DBT: variants seen among roughly 807,000 people sequenced by gnomAD.
The protein encoded by DBT is lipoamide acyltransferase component of branched-chain alpha-keto acid dehydrogenase complex, mitochondrial.
Under a neutral mutation model 51.3 loss-of-function variants are expected in DBT, and 40 were observed. The observed-to-expected ratio is 0.78, with a 90% CI of 0.61 to 1.02. The LOEUF (loss-of-function observed/expected upper bound fraction) is 1.02, where lower values mean the gene tolerates loss of function less well. DBT is among the 50% of genes least tolerant of loss of function. The pLI is 0.00. For missense variants in DBT, 510 were observed against 580.2 expected (o/e 0.88, Z 1.24); for synonymous variants, 181 against 190.4 (o/e 0.95, Z 0.41).
At chr1:100,248,590 G>T (rs1557964764) in intron 1 of DBT, among the ~76,000 whole-genome samples, 1 of 152,120 alleles carries the variant, frequency 6.6e-6, no homozygotes, top group Non-Finnish European at 1.5e-5. Context: ...GAGCCCTTTA[G>T]AAAAAGCAAT....
intron 10 of DBT, among the ~76,000 whole-genome samples, chr1:100,203,470 CCAAA>C (rs1327972043): frequency 2.0e-5 from 3 of 152,304 alleles, no homozygotes; most frequent in African/African-American, 7.2e-5. Flanking sequence ...AGCCTACCAA[CCAAA>C]CAAAGCCCAG....
At chr1:100,216,292 A>G (rs1662480532) in intron 5 of DBT, 93 bp from the exon 6 acceptor site, 1 of 838,706 alleles carries the variant, frequency 1.2e-6, no homozygotes, top group South Asian at 1.4e-5. Flanking sequence ...ACAGTAAAAT[A>G]TATCTGTCCA....
chr1:100,192,329 A>G lies in DBT; in HGVS notation c.*3926T>C, dbSNP rs1044608670. On this transcript the variant is annotated 3_prime_UTR_variant, in exon 11 of 11. Transcript: ENST00000370132. ...GTGAGGGCAAAAACTTCATCTATCT[A>G]ATTCACCTTTATCCATAATCTCTAC... is the stretch of plus-strand genomic sequence containing the variant. 2 of 152,204 alleles carry G rather than the reference A, an allele frequency of 1.3e-5. No individual in the cohort carries two copies. The highest frequency in any genetic ancestry group is 4.8e-5 in the African/African-American group (2 of 41,448). The allele number at this position is 152,204 out of a possible 1,614,324, so 9.4% of individuals were successfully genotyped here.
At chr1:100,221,997 A>C (rs1029119135) in intron 4 of DBT, among the ~76,000 whole-genome samples, 2 of 152,238 alleles carry the variant, frequency 1.3e-5, no homozygotes, top group African/African-American at 4.8e-5. Context: ...TCTTCATAGC[A>C]CAAAAATAAA....
At chr1:100,219,440 A>G (rs1662708354) in intron 4 of DBT, among the ~76,000 whole-genome samples, 2 of 152,180 alleles carry the variant, frequency 1.3e-5, no homozygotes, top group Admixed American at 1.3e-4. Context: ...AATGTAAGAT[A>G]AATTATATGA....
chr1:100,232,295 T>G (rs972636271), intron 3 of DBT, among the ~76,000 whole-genome samples: 18 of 9,202 alleles, frequency 2.0e-3, no homozygotes, highest in African/African-American at 2.5e-3. Context: ...GCATCTGGGT[T>G]GTTGTTGTTG....
At chr1:100,198,639 TG>T (rs1327587799) in intron 10 of DBT, among the ~76,000 whole-genome samples, 1 of 152,196 alleles carries the variant, frequency 6.6e-6, no homozygotes, top group Non-Finnish European at 1.5e-5. Flanking sequence ...AATCAAATGT[TG>T]AATTCTTGTT....
chr1:100,213,242 G>A (rs926512944), intron 7 of DBT: 8 of 1,166,448 alleles, frequency 6.9e-6, no homozygotes, highest in East Asian at 3.5e-5. Flanking sequence ...CGAGCCACCC[G>A]GGGCGTGCGC....
In DBT at chr1:100,191,050, C is replaced by T. The variant is rs1380600338; in HGVS notation, c.*5205G>A. 6.6e-6 allele frequency: 1 copy of T among 152,188 alleles called. No homozygotes were observed. The highest frequency in any genetic ancestry group is 2.4e-5 in the African/African-American group (1 of 41,446). The allele number at this position is 152,188 out of a possible 1,614,324, so 9.4% of individuals were successfully genotyped here. On this transcript the variant is annotated 3_prime_UTR_variant, in exon 11 of 11. Transcript: ENST00000370132. ...TGGTAAGCCATGGAGTTCTGTTAAT[C>T]TTCTGTTTGACCAAATAACTAGGAT...
rs1377625631 is a variant in DBT at position 100,189,989 on chromosome 1, A to G, written c.*6266T>C. On this transcript the variant is annotated 3_prime_UTR_variant, in exon 11 of 11. Transcript: ENST00000370132. ...ACTGAGCAATTGAAATGTGGCTAGT[A>G]TATCTGAGTTGAATTTTGATTAATT... is the stretch of plus-strand genomic sequence containing the variant. 6.6e-6 allele frequency: 1 copy of G among 152,208 alleles called. No individual in the cohort carries two copies. The highest frequency in any genetic ancestry group is 2.4e-5 in the African/African-American group (1 of 41,444). 9.4% of individuals were successfully genotyped at this position (152,208 alleles called of 1,614,324 possible). A position where few individuals can be genotyped will look rare whatever the true frequency, so the allele number is the denominator to read the frequency against.
chr1:100,241,773 C>G (rs1664231013), intron 1 of DBT, among the ~76,000 whole-genome samples: 1 of 152,180 alleles, frequency 6.6e-6, no homozygotes, highest in Non-Finnish European at 1.5e-5. Context: ...AATCCCAGCA[C>G]TTTGGGAGGC....
chr1:100,248,421 T>C (rs1570856218), intron 1 of DBT, among the ~76,000 whole-genome samples: 1 of 152,180 alleles, frequency 6.6e-6, no homozygotes, highest in Non-Finnish European at 1.5e-5. Context: ...CACGTACATA[T>C]GAAACTGGAG....
At chr1:100,206,663 G>A (rs1661811635) in intron 8 of DBT, 27 bp from the exon 9 acceptor site, 2 of 1,304,308 alleles carry the variant, frequency 1.5e-6, no homozygotes, top group Non-Finnish European at 2.2e-6. Flanking sequence ...TGTACAGTAG[G>A]GCTTTTAATG....
intron 4 of DBT, among the ~76,000 whole-genome samples, chr1:100,229,505 T>C (rs549997510): frequency 6.6e-6 from 1 of 152,306 alleles, no homozygotes; most frequent in East Asian, 1.9e-4. Flanking sequence ...CTTCATCTGC[T>C]AAACTGGAAT....
chr1:100,197,825 G>A (rs1661201141), intron 10 of DBT, among the ~76,000 whole-genome samples: 1 of 152,110 alleles, frequency 6.6e-6, no homozygotes, highest in South Asian at 2.1e-4. Context: ...AAGACTTAAT[G>A]ACTTAAACAA....
At chr1:100,223,205 C>A (rs1455640651) in intron 4 of DBT, among the ~76,000 whole-genome samples, 7 of 152,018 alleles carry the variant, frequency 4.6e-5, no homozygotes, top group African/African-American at 9.7e-5. Context: ...TTAATGATTT[C>A]TCTCAAAAAA....
intron 4 of DBT, 104 bp downstream of exon 4, chr1:100,230,629 G>GAAAAAAAA: frequency 1.1e-5 from 6 of 534,304 alleles, no homozygotes; most frequent in South Asian, 5.7e-5. Context: ...AATAGGAATA[G>GAAAAAAAA]AAAAAAAAAA....
At chr1:100,239,628 C>T (rs1391219775) in intron 2 of DBT, among the ~76,000 whole-genome samples, 4 of 151,782 alleles carry the variant, frequency 2.6e-5, no homozygotes, top group African/African-American at 7.3e-5. Flanking sequence ...CCCAGCCCTT[C>T]GGGAGGCAGA....
chr1:100,196,058 C>A lies in DBT; in HGVS notation c.*197G>T. Reference sequence around the variant, plus strand: ...ACTCTGACCTATAAAATGTGACAGCCCCAGGAGAACCATTACACCATTATT... The same window carrying A: ...ACTCTGACCTATAAAATGTGACAGCACCAGGAGAACCATTACACCATTATT... On this transcript the variant is annotated 3_prime_UTR_variant, in exon 11 of 11. Coordinates refer to ENST00000370132, the MANE Select transcript of DBT (RefSeq NM_001918.5). The A allele has an allele frequency of 1.6e-6, 1 of 618,386 alleles. No individual in the cohort carries two copies. The highest frequency in any genetic ancestry group is 2.8e-6 in the Non-Finnish European group (1 of 350,932). 38.3% of individuals were successfully genotyped at this position (618,386 alleles called of 1,614,324 possible).
Sources: gnomAD v4.1 joint callset for allele counts (sites outside exome capture counted in the v4.1 genomes callset) on GRCh38, gnomAD v4.1.1 for gene constraint, MANE v1.5 for transcripts, NCBI Gene and HGNC (gene_info 2026-07-23, HGNC 2026-07-21) for gene names.